Variants in ZNF236 observed in about 807,000 individuals in gnomAD.
ZNF236 encodes the protein regulated by glucose.
A neutral mutation model predicts 191.2 loss-of-function variants in ZNF236; 50 were observed. The ratio of observed to expected loss-of-function variants is 0.26; its 90% confidence interval spans 0.21 to 0.33. ZNF236 has a LOEUF of 0.33. ZNF236 is among the 10% of genes least tolerant of loss of function. The pLI is 1.00. For synonymous variants in ZNF236, 907 were observed against 928.8 expected, an observed-to-expected ratio of 0.98 and a Z score of 0.43; for missense variants, 1,754 against 2,374.5, an observed-to-expected ratio of 0.74 and a Z score of 5.43.
At chr18:76,932,571 C>T (rs755825794) in intron 25 of ZNF236, among the ~76,000 whole-genome samples, 23 of 152,112 alleles carry the variant, frequency 1.5e-4, no homozygotes, top group Non-Finnish European at 2.4e-4. Flanking sequence ...TGGGCCGAAG[C>T]GAGTGGTAGT....
intron 1 of ZNF236, among the ~76,000 whole-genome samples, chr18:76,832,988 T>G (rs1167304503): frequency 6.6e-6 from 1 of 152,210 alleles, no homozygotes; most frequent in Non-Finnish European, 1.5e-5. Flanking sequence ...CTATTGTTGA[T>G]GGTATTTTAA....
intron 1 of ZNF236, among the ~76,000 whole-genome samples, chr18:76,831,555 G>A (rs1259101686): frequency 6.6e-6 from 1 of 151,992 alleles, no homozygotes; most frequent in African/African-American, 2.4e-5. Context: ...TAAATCTCGG[G>A]GACTGTGACT....
chr18:76,924,051 A>G (rs79283724), intron 21 of ZNF236, among the ~76,000 whole-genome samples: 2,401 of 152,272 alleles, frequency 0.016, 30 homozygotes, highest in Middle Eastern at 0.02. Context: ...CATTTACCTG[A>G]AGCCCTGTGA....
chr18:76,920,289 A>T (rs558589558), intron 20 of ZNF236, among the ~76,000 whole-genome samples: 1 of 152,112 alleles, frequency 6.6e-6, no homozygotes, highest in Non-Finnish European at 1.5e-5. Context: ...GGTGGCTCAC[A>T]CCTGTAATCC....
At chr18:76,911,695 A>ATCC (rs149778460) in intron 16 of ZNF236, among the ~76,000 whole-genome samples, 4,757 of 152,254 alleles carry the variant, frequency 0.031, 240 homozygotes, top group African/African-American at 0.11. Flanking sequence ...TCCTCTACTC[A>ATCC]GTGTGAGCAT....
intron 21 of ZNF236, among the ~76,000 whole-genome samples, chr18:76,924,914 A>T (rs892383801): frequency 2.0e-5 from 3 of 152,186 alleles, no homozygotes; most frequent in African/African-American, 7.2e-5. Context: ...TACTCCAATC[A>T]AGGTTCAGAA....
At chr18:76,837,011 G>T (rs1204713907) in intron 1 of ZNF236, among the ~76,000 whole-genome samples, 4 of 151,910 alleles carry the variant, frequency 2.6e-5, no homozygotes, top group Non-Finnish European at 5.9e-5. Flanking sequence ...GAGTAGCTGG[G>T]ATTGCAAGCG....
intron 27 of ZNF236, among the ~76,000 whole-genome samples, chr18:76,952,716 G>A (rs533308748): frequency 1.1e-4 from 16 of 152,230 alleles, no homozygotes; most frequent in Non-Finnish European, 1.9e-4. Context: ...GCTGAGGCAG[G>A]AGGACTGCTT....
chr18:76,868,575 A>C (rs963295069), intron 3 of ZNF236, 110 bp from the exon 4 acceptor site: 2 of 848,410 alleles, frequency 2.4e-6, no homozygotes, highest in Non-Finnish European at 3.5e-6. Flanking sequence ...AAGATTAGAG[A>C]GACCAAGTAG....
chr18:76,923,364 GA>G (rs781143947), intron 21 of ZNF236, among the ~76,000 whole-genome samples, 190 bp downstream of exon 21: 1 of 151,414 alleles, frequency 6.6e-6, no homozygotes, highest in Admixed American at 6.6e-5. Context: ...ATGACACTAA[GA>G]AAAAAAAGGA....
intron 1 of ZNF236, among the ~76,000 whole-genome samples, chr18:76,841,814 C>T (rs917162568): frequency 5.3e-5 from 8 of 151,974 alleles, no homozygotes; most frequent in Non-Finnish European, 1.0e-4. Context: ...CTGCCTCAGC[C>T]TCCTGAGTAG....
intron 3 of ZNF236, among the ~76,000 whole-genome samples, chr18:76,858,274 A>C (rs1355322940): frequency 6.6e-6 from 1 of 152,226 alleles, no homozygotes; most frequent in Admixed American, 6.5e-5. Flanking sequence ...TCCAATCCTA[A>C]GTGAAGATTT....
At chr18:76,866,884 T>C (rs1275239084) in intron 3 of ZNF236, among the ~76,000 whole-genome samples, 2 of 151,906 alleles carry the variant, frequency 1.3e-5, no homozygotes, top group Non-Finnish European at 2.9e-5. Context: ...AGAAAGACAG[T>C]GATGTAGCCG....
At chr18:76,957,962 A>T (rs965183195) in intron 28 of ZNF236, among the ~76,000 whole-genome samples, 5 of 152,380 alleles carry the variant, frequency 3.3e-5, no homozygotes, top group African/African-American at 9.6e-5. Context: ...GCTTCTGCAC[A>T]GCAAAATAAA....
chr18:76,938,448 T>G (rs1278469161), intron 26 of ZNF236, among the ~76,000 whole-genome samples: 1 of 152,204 alleles, frequency 6.6e-6, no homozygotes, highest in Non-Finnish European at 1.5e-5. Flanking sequence ...CTGTCTCTGC[T>G]TTTTAGGCTC....
At chr18:76,856,682 G>A (rs1039312770) in intron 3 of ZNF236, among the ~76,000 whole-genome samples, 2 of 151,858 alleles carry the variant, frequency 1.3e-5, no homozygotes, top group African/African-American at 4.8e-5. Flanking sequence ...GGGGATTATT[G>A]GTCTTATTCT....
chr18:76,961,970 T>C (rs1418403363), intron 30 of ZNF236, among the ~76,000 whole-genome samples: 1 of 152,190 alleles, frequency 6.6e-6, no homozygotes, highest in Non-Finnish European at 1.5e-5. Context: ...TGGATATTAG[T>C]CCTTTTCAGA....
At chr18:76,839,037 G>A (rs960815909) in intron 1 of ZNF236, among the ~76,000 whole-genome samples, 4 of 152,192 alleles carry the variant, frequency 2.6e-5, no homozygotes, top group Admixed American at 1.3e-4. Flanking sequence ...AGATTTGTCC[G>A]TGTTTTTATG....
intron 25 of ZNF236, among the ~76,000 whole-genome samples, chr18:76,930,002 G>T (rs1374045156): frequency 6.6e-6 from 1 of 152,178 alleles, no homozygotes; most frequent in Non-Finnish European, 1.5e-5. Flanking sequence ...GAAAAGCAAA[G>T]ACAGTCCTTT....
Sources: allele counts gnomAD v4.1 joint callset (sites outside exome capture counted in the v4.1 genomes callset), GRCh38; gene constraint gnomAD v4.1.1; transcripts MANE v1.5; gene names NCBI Gene and HGNC (gene_info 2026-07-23, HGNC 2026-07-21).